Variants in DSE observed in about 807,000 individuals in gnomAD.
The protein encoded by DSE is dermatan sulfate epimerase.
In DSE, 36 loss-of-function variants were observed where a neutral mutation model predicts 84.4. The observed-to-expected ratio is 0.43, with a 90% CI of 0.33 to 0.56. The LOEUF (loss-of-function observed/expected upper bound fraction) is 0.56. Ranked by LOEUF, DSE falls within the 20% of genes least tolerant of loss-of-function variation. The probability of loss-of-function intolerance (pLI) is 0.06; values close to 1 mark genes in which losing one functional copy is unlikely to be tolerated. For synonymous variants in DSE, 410 were observed against 430.1 expected (o/e 0.95, Z 0.58); for missense variants, 862 against 1,169.6 (o/e 0.74, Z 3.84).
At chr6:116,373,301 T>G (rs185740286) in intron 1 of DSE, among the ~76,000 whole-genome samples, 3 of 152,326 alleles carry the variant, frequency 2.0e-5, no homozygotes, top group African/African-American at 7.2e-5. Context: ...AAGCGGAGGT[T>G]GCAGTGAGCC....
At chr6:116,410,744 A>G in intron 2 of DSE, among the ~76,000 whole-genome samples, 1 of 33,660 alleles carries the variant, frequency 3.0e-5, no homozygotes, top group East Asian at 5.5e-4. Flanking sequence ...AAAAAAAAAA[A>G]AAAAAAAAAA....
intron 2 of DSE, among the ~76,000 whole-genome samples, chr6:116,352,374 AG>A (rs1259027665): frequency 2.0e-5 from 3 of 152,150 alleles, no homozygotes; most frequent in Non-Finnish European, 2.9e-5. Flanking sequence ...CTTGATCACA[AG>A]GGTTCTCCAA....
At chr6:116,434,331 T>C (rs552791084) in intron 5 of DSE, among the ~76,000 whole-genome samples, 30 of 152,338 alleles carry the variant, frequency 2.0e-4, no homozygotes, top group Admixed American at 3.3e-4. Context: ...ACAAGCTTTC[T>C]TGTGGTTTGC....
At chr6:116,371,704 C>CT (rs1209417856) in intron 1 of DSE, among the ~76,000 whole-genome samples, 3 of 152,182 alleles carry the variant, frequency 2.0e-5, no homozygotes. Flanking sequence ...CGCCGGCACT[C>CT]GGAGAAATTG....
intron 2 of DSE, among the ~76,000 whole-genome samples, chr6:116,319,449 A>G (rs1776175114): frequency 1.3e-5 from 2 of 152,222 alleles, no homozygotes; most frequent in African/African-American, 4.8e-5. Flanking sequence ...AAATATGGTG[A>G]ATCTAACACT....
At chr6:116,389,800 A>G (rs970234517) in intron 1 of DSE, among the ~76,000 whole-genome samples, 3 of 152,212 alleles carry the variant, frequency 2.0e-5, no homozygotes, top group African/African-American at 7.2e-5. Flanking sequence ...AGACCATTAC[A>G]GAAAATCTTT....
intron 2 of DSE, among the ~76,000 whole-genome samples, chr6:116,349,324 A>G (rs570764331): frequency 5.5e-4 from 84 of 152,262 alleles, no homozygotes; most frequent in Non-Finnish European, 1.0e-3. Flanking sequence ...ACTTGAGCCA[A>G]TGAAGTTTCT....
chr6:116,425,748 A>G (rs976758507), intron 2 of DSE, among the ~76,000 whole-genome samples: 2 of 149,910 alleles, frequency 1.3e-5, no homozygotes, highest in Non-Finnish European at 3.0e-5. Context: ...TCAGCCTCCC[A>G]AGTAGCTGGG....
At chr6:116,322,741 T>A (rs1293215306) in intron 2 of DSE, among the ~76,000 whole-genome samples, 2 of 152,224 alleles carry the variant, frequency 1.3e-5, no homozygotes, top group Admixed American at 6.5e-5. Context: ...AGCTGAGATT[T>A]CAATTTGTTG....
intron 2 of DSE, among the ~76,000 whole-genome samples, chr6:116,326,750 C>G (rs1056741575): frequency 6.6e-6 from 1 of 152,126 alleles, no homozygotes; most frequent in Admixed American, 6.5e-5. Flanking sequence ...ATGGAAAGAA[C>G]AGCAAAATGT....
At chr6:116,396,848 G>C (rs905435942) in intron 1 of DSE, among the ~76,000 whole-genome samples, 3 of 152,172 alleles carry the variant, frequency 2.0e-5, no homozygotes, top group Non-Finnish European at 4.4e-5. Flanking sequence ...GAGTGTGGTT[G>C]CATAGGGGAG....
chr6:116,421,841 C>T (rs1783114717), intron 2 of DSE, among the ~76,000 whole-genome samples: 1 of 152,050 alleles, frequency 6.6e-6, no homozygotes, highest in South Asian at 2.1e-4. Context: ...TGCTTCTGCA[C>T]TTGATTTGTT....
At chr6:116,426,197 C>G (rs1301992249) in intron 2 of DSE, among the ~76,000 whole-genome samples, 2 of 152,140 alleles carry the variant, frequency 1.3e-5, no homozygotes, top group South Asian at 2.1e-4. Flanking sequence ...GCATCTTATT[C>G]AAGTGAAAAG....
At chr6:116,317,154 G>A (rs1308668110) in intron 2 of DSE, among the ~76,000 whole-genome samples, 1 of 152,174 alleles carries the variant, frequency 6.6e-6, no homozygotes, top group Non-Finnish European at 1.5e-5. Context: ...AAGGCTGTTG[G>A]GGAATCCTCA....
At chr6:116,292,032 T>A (rs1190876060) in intron 2 of DSE, among the ~76,000 whole-genome samples, 1 of 152,022 alleles carries the variant, frequency 6.6e-6, no homozygotes, top group Non-Finnish European at 1.5e-5. Flanking sequence ...TGTTGGGTAT[T>A]TGTAGATCAG....
intron 2 of DSE, among the ~76,000 whole-genome samples, chr6:116,359,725 G>A (rs1562252684): frequency 6.6e-6 from 1 of 152,192 alleles, no homozygotes; most frequent in Non-Finnish European, 1.5e-5. Flanking sequence ...AGTGGAAACA[G>A]ATAGGCTTTG....
upstream of DSE, chr6:116,366,396 TGAA>T (rs772909345): frequency 3.9e-5 from 6 of 152,308 alleles, no homozygotes; most frequent in Admixed American, 3.9e-4. Flanking sequence ...GCTATAGAAA[TGAA>T]GAAGAGTCTC....
intron 2 of DSE, among the ~76,000 whole-genome samples, chr6:116,317,344 G>A (rs991674663): frequency 2.6e-5 from 4 of 152,228 alleles, no homozygotes; most frequent in African/African-American, 7.2e-5. Context: ...AATCTAGGAG[G>A]CATATTGTTA....
upstream of DSE, among the ~76,000 whole-genome samples, chr6:116,369,194 G>A (rs1222684920): frequency 6.6e-6 from 1 of 152,178 alleles, no homozygotes; most frequent in Non-Finnish European, 1.5e-5. Flanking sequence ...CCATTGGAAA[G>A]AATTTATTAT....
Sources: gnomAD v4.1 joint callset for allele counts (sites outside exome capture counted in the v4.1 genomes callset) on GRCh38, gnomAD v4.1.1 for gene constraint, MANE v1.5 for transcripts, NCBI Gene and HGNC (gene_info 2026-07-23, HGNC 2026-07-21) for gene names.